OSBPL10: variants seen among roughly 807,000 people sequenced by gnomAD.
The protein encoded by OSBPL10 is oxysterol-binding protein-related protein 10.
Under a neutral mutation model 81.7 loss-of-function variants are expected in OSBPL10, and 49 were observed. That is an observed-to-expected ratio of 0.60 (90% CI 0.48 to 0.76). The LOEUF (loss-of-function observed/expected upper bound fraction) is 0.76. Among genes scored for constraint, OSBPL10 ranks in the 30% least tolerant of loss-of-function variants. The probability of loss-of-function intolerance (pLI) is 0.00; values close to 1 mark genes in which losing one functional copy is unlikely to be tolerated. For synonymous variants in OSBPL10, 419 were observed against 383.6 expected (o/e 1.09, Z -1.08); for missense variants, 923 against 987.8 (o/e 0.93, Z 0.88).
intron 1 of OSBPL10, among the ~76,000 whole-genome samples, chr3:32,053,189 T>C (rs2125434857): frequency 6.6e-6 from 1 of 152,284 alleles, no homozygotes. Flanking sequence ...GTTAACAGTA[T>C]AAAGTGTAAA....
chr3:31,875,044 A>G (rs1042705984), intron 3 of OSBPL10, among the ~76,000 whole-genome samples: 5 of 148,180 alleles, frequency 3.4e-5, no homozygotes, highest in Non-Finnish European at 5.9e-5. Context: ...AAGTAAATCC[A>G]TGTGCCTAAT....
chr3:31,879,065 C>T (rs928765901), intron 2 of OSBPL10, among the ~76,000 whole-genome samples: 2 of 152,060 alleles, frequency 1.3e-5, no homozygotes, highest in African/African-American at 4.8e-5. Flanking sequence ...TCCTCATTTC[C>T]GGGATGCTGG....
intron 1 of OSBPL10, among the ~76,000 whole-genome samples, chr3:31,956,819 T>G (rs1698023630): frequency 6.6e-6 from 1 of 151,754 alleles, no homozygotes; most frequent in Non-Finnish European, 1.5e-5. Flanking sequence ...TGCTGCTTGG[T>G]GAAGGAATGA....
chr3:31,817,525 C>G (rs1280211991), intron 4 of OSBPL10, among the ~76,000 whole-genome samples: 5 of 146,720 alleles, frequency 3.4e-5, no homozygotes, highest in African/African-American at 1.3e-4. Flanking sequence ...GGCCCAGGGT[C>G]TGCAGCTGTG....
At chr3:31,830,658 T>G (rs923879789) in intron 3 of OSBPL10, among the ~76,000 whole-genome samples, 3 of 152,228 alleles carry the variant, frequency 2.0e-5, no homozygotes, top group Non-Finnish European at 2.9e-5. Context: ...CTCCCTGGCT[T>G]TCTCGGCCTC....
At chr3:31,947,297 G>A (rs894967737) in intron 1 of OSBPL10, among the ~76,000 whole-genome samples, 4 of 152,046 alleles carry the variant, frequency 2.6e-5, no homozygotes, top group Non-Finnish European at 4.4e-5. Flanking sequence ...GTCAACCCTC[G>A]GCCCAGGCTG....
intron 4 of OSBPL10, among the ~76,000 whole-genome samples, chr3:31,818,272 C>T (rs544791270): frequency 1.8e-4 from 28 of 152,124 alleles, no homozygotes; most frequent in Non-Finnish European, 3.7e-4. Flanking sequence ...AGACTGACCT[C>T]CTCTTGAGCA....
intron 7 of OSBPL10, among the ~76,000 whole-genome samples, chr3:31,700,045 G>T (rs1695846103): frequency 6.6e-6 from 1 of 152,188 alleles, no homozygotes; most frequent in Admixed American, 6.5e-5. Flanking sequence ...CAGAAGCCAA[G>T]AAATCTCATG....
At chr3:32,051,909 G>T (rs1464285535) in intron 1 of OSBPL10, among the ~76,000 whole-genome samples, 4 of 152,104 alleles carry the variant, frequency 2.6e-5, no homozygotes, top group Non-Finnish European at 4.4e-5. Flanking sequence ...ATGCTTTTTA[G>T]TTCACATGAC....
chr3:31,990,486 T>C (rs2125521384), intron 2 of OSBPL10: 1 of 1,553,166 alleles, frequency 6.4e-7, no homozygotes, highest in South Asian at 1.2e-5. Context: ...ATTCAGCCCT[T>C]GTAATTCATA....
chr3:31,680,197 G>A (rs1332080525), intron 8 of OSBPL10, among the ~76,000 whole-genome samples: 1 of 152,196 alleles, frequency 6.6e-6, no homozygotes, highest in Non-Finnish European at 1.5e-5. Flanking sequence ...AAGCACACTT[G>A]AATCAAGTTT....
intron 4 of OSBPL10, among the ~76,000 whole-genome samples, chr3:31,815,933 C>A (rs138596612): frequency 1.3e-3 from 202 of 152,288 alleles, no homozygotes; most frequent in African/African-American, 4.6e-3. Flanking sequence ...ACAGGCAGAA[C>A]AGCCTTTCAT....
intron 2 of OSBPL10, among the ~76,000 whole-genome samples, chr3:32,011,404 C>T (rs1345405922): frequency 6.6e-6 from 1 of 152,158 alleles, no homozygotes; most frequent in Non-Finnish European, 1.5e-5. Context: ...GGAAAACTAA[C>T]AAACAGAAAG....
chr3:31,892,173 G>A (rs1280199328), intron 1 of OSBPL10, among the ~76,000 whole-genome samples: 1 of 151,956 alleles, frequency 6.6e-6, no homozygotes, highest in Non-Finnish European at 1.5e-5. Flanking sequence ...AGAGGAGAGA[G>A]TTCCAAGCAG....
chr3:31,990,184 C>A (rs1409795583), intron 2 of OSBPL10: 5 of 1,613,756 alleles, frequency 3.1e-6, no homozygotes, highest in African/African-American at 1.3e-5. Context: ...TGGAGAGAAA[C>A]CTTACAAGTG....
chr3:31,673,280 T>C (rs1700373285), intron 8 of OSBPL10, among the ~76,000 whole-genome samples: 1 of 152,214 alleles, frequency 6.6e-6, no homozygotes, highest in African/African-American at 2.4e-5. Flanking sequence ...AGTCTGACAG[T>C]GTTTTTTGTT....
chr3:31,780,619 T>C (rs1384122959), intron 4 of OSBPL10, among the ~76,000 whole-genome samples: 1 of 151,228 alleles, frequency 6.6e-6, no homozygotes. Context: ...AGAAAGAAAA[T>C]GAGAGATATT....
chr3:31,886,370 A>T (rs1175169515), intron 1 of OSBPL10, among the ~76,000 whole-genome samples: 2 of 152,082 alleles, frequency 1.3e-5, no homozygotes, highest in African/African-American at 4.8e-5. Context: ...CCTCACTGCC[A>T]CACAAGATGG....
intron 5 of OSBPL10, among the ~76,000 whole-genome samples, chr3:31,743,675 GT>G (rs749322347): frequency 2.6e-5 from 4 of 151,736 alleles, no homozygotes; most frequent in Non-Finnish European, 5.9e-5. Flanking sequence ...AAAAAAAACA[GT>G]GCAAGGATCA....
Sources: gnomAD v4.1 joint callset for allele counts (sites outside exome capture counted in the v4.1 genomes callset) on GRCh38, gnomAD v4.1.1 for gene constraint, MANE v1.5 for transcripts, NCBI Gene and HGNC (gene_info 2026-07-23, HGNC 2026-07-21) for gene names.